EPHA5: variants seen among roughly 807,000 people sequenced by gnomAD.
EPHA5 encodes the protein ephrin type-A receptor 5.
In EPHA5, 60 loss-of-function variants were observed where a neutral mutation model predicts 105.0. The observed-to-expected ratio is 0.57, with a 90% CI of 0.46 to 0.71. The LOEUF is 0.71. Among genes scored for constraint, EPHA5 ranks in the 30% least tolerant of loss-of-function variants. The pLI is 0.00. For missense variants in EPHA5, 1,218 were observed against 1,274.7 expected (o/e 0.96, Z 0.68); for synonymous variants, 513 against 449.1 (o/e 1.14, Z -1.80).
chr4:65,479,955 G>C (rs1260320385), intron 5 of EPHA5, among the ~76,000 whole-genome samples: 2 of 151,988 alleles, frequency 1.3e-5, no homozygotes, highest in African/African-American at 4.8e-5. Context: ...AATGAAAGTA[G>C]GTACATAAGA....
At chr4:65,545,444 G>T (rs937689697) in intron 3 of EPHA5, among the ~76,000 whole-genome samples, 1 of 151,868 alleles carries the variant, frequency 6.6e-6, no homozygotes, top group South Asian at 2.1e-4. Flanking sequence ...AAAAATTAAA[G>T]AAACTTGTGA....
At chr4:65,536,768 T>G (rs916626679) in intron 3 of EPHA5, among the ~76,000 whole-genome samples, 1 of 151,446 alleles carries the variant, frequency 6.6e-6, no homozygotes, top group Non-Finnish European at 1.5e-5. Context: ...AAAAATTCAC[T>G]GTTCCTAAAA....
intron 3 of EPHA5, among the ~76,000 whole-genome samples, chr4:65,537,108 G>A (rs1222213887): frequency 6.6e-6 from 1 of 151,696 alleles, no homozygotes; most frequent in Non-Finnish European, 1.5e-5. Context: ...GTGAGTATCT[G>A]TATTTTCCCT....
At chr4:65,527,245 G>T (rs1282132238) in intron 3 of EPHA5, among the ~76,000 whole-genome samples, 1 of 151,990 alleles carries the variant, frequency 6.6e-6, no homozygotes, top group Non-Finnish European at 1.5e-5. Context: ...AAATTAGAAA[G>T]AACCTATAAT....
intron 3 of EPHA5, among the ~76,000 whole-genome samples, chr4:65,533,517 T>C (rs568373469): frequency 4.4e-4 from 67 of 152,302 alleles, no homozygotes; most frequent in African/African-American, 1.6e-3. Flanking sequence ...GAAAAGTATA[T>C]ATTATGTAGT....
chr4:65,432,569 TTTTG>T (rs145129343), intron 5 of EPHA5, among the ~76,000 whole-genome samples: 2,632 of 152,078 alleles, frequency 0.017, 69 homozygotes, highest in African/African-American at 0.06. Flanking sequence ...ATGTTTTTGG[TTTTG>T]TTTTTCTTTT....
chr4:65,544,180 A>G (rs1737141590), intron 3 of EPHA5, among the ~76,000 whole-genome samples: 1 of 151,924 alleles, frequency 6.6e-6, no homozygotes, highest in South Asian at 2.1e-4. Flanking sequence ...AAACTTCATG[A>G]TGAAAATGCT....
At chr4:65,451,099 T>C (rs918070679) in intron 5 of EPHA5, among the ~76,000 whole-genome samples, 13 of 152,160 alleles carry the variant, frequency 8.5e-5, no homozygotes, top group African/African-American at 3.1e-4. Flanking sequence ...GAAGTGCCCA[T>C]TGTTACATGA....
intron 8 of EPHA5, among the ~76,000 whole-genome samples, chr4:65,388,737 G>A (rs1482410519): frequency 6.7e-6 from 1 of 148,406 alleles, no homozygotes; most frequent in Non-Finnish European, 1.5e-5. Context: ...TGAGTAGGTT[G>A]CGAAAATTTT....
chr4:65,340,620 C>T (rs540600129), intron 14 of EPHA5, among the ~76,000 whole-genome samples: 1 of 152,236 alleles, frequency 6.6e-6, no homozygotes, highest in South Asian at 2.1e-4. Flanking sequence ...CAGGTGACAT[C>T]CTATGATCAA....
chr4:65,613,823 A>G (rs572984486), intron 2 of EPHA5, among the ~76,000 whole-genome samples: 1 of 152,094 alleles, frequency 6.6e-6, no homozygotes, highest in African/African-American at 2.4e-5. Context: ...TTTAGTGTTT[A>G]TGTTTTTTGA....
At chr4:65,536,814 T>C (rs1736336586) in intron 3 of EPHA5, among the ~76,000 whole-genome samples, 1 of 151,790 alleles carries the variant, frequency 6.6e-6, no homozygotes. Flanking sequence ...TAAAAATCTT[T>C]ACATTTAGAT....
chr4:65,390,771 C>T (rs1024494747), intron 8 of EPHA5, among the ~76,000 whole-genome samples: 2 of 151,842 alleles, frequency 1.3e-5, no homozygotes, highest in African/African-American at 4.8e-5. Flanking sequence ...TGAAAGCAGA[C>T]ATAACTAATA....
At chr4:65,502,453 A>T (rs1732591839) in intron 3 of EPHA5, among the ~76,000 whole-genome samples, 1 of 151,776 alleles carries the variant, frequency 6.6e-6, no homozygotes, top group African/African-American at 2.4e-5. Context: ...AAATACATGA[A>T]CAAACACTTC....
At chr4:65,518,189 C>A (rs1734291053) in intron 3 of EPHA5, among the ~76,000 whole-genome samples, 1 of 151,608 alleles carries the variant, frequency 6.6e-6, no homozygotes, top group South Asian at 2.1e-4. Flanking sequence ...GATATAAATG[C>A]CATTTATTAT....
chr4:65,442,880 T>C (rs1240473694), intron 5 of EPHA5, among the ~76,000 whole-genome samples: 1 of 152,140 alleles, frequency 6.6e-6, no homozygotes, highest in Non-Finnish European at 1.5e-5. Context: ...AAGTGACTTG[T>C]GGCAGTCAGA....
intron 8 of EPHA5, among the ~76,000 whole-genome samples, chr4:65,369,566 A>G (rs1287851418): frequency 2.0e-5 from 3 of 152,176 alleles, no homozygotes; most frequent in Non-Finnish European, 4.4e-5. Context: ...AAATATATGT[A>G]TATTTTGATA....
chr4:65,323,702 G>A lies in EPHA5; in HGVS notation c.*412C>T, dbSNP rs1203205465. 2.6e-5 allele frequency: 6 copies of A among 230,770 alleles called. No individual in the cohort carries two copies. Among genetic ancestry groups the A allele is most frequent in the Non-Finnish European group, 3.4e-5 (4 of 116,624 alleles). 14.3% of individuals were successfully genotyped at this position (230,770 alleles called of 1,614,324 possible). On this transcript the variant is annotated 3_prime_UTR_variant, in exon 17 of 17. Transcript: ENST00000613740. ...TTGAAGTAAACTTCAGTAAACTGTA[G>A]CTTTTGTTAGCTCACAAATGGCTAT...
intron 8 of EPHA5, among the ~76,000 whole-genome samples, chr4:65,395,939 A>G (rs1417600069): frequency 1.3e-5 from 2 of 152,188 alleles, no homozygotes; most frequent in Non-Finnish European, 2.9e-5. Context: ...CGCTCTATGG[A>G]GCCAGCAGAA....
Sources: allele counts gnomAD v4.1 joint callset (sites outside exome capture counted in the v4.1 genomes callset), GRCh38; gene constraint gnomAD v4.1.1; transcripts MANE v1.5; gene names NCBI Gene and HGNC (gene_info 2026-07-23, HGNC 2026-07-21).